FBN2: variants seen among roughly 807,000 people sequenced by gnomAD.
FBN2 encodes fibrillin 2.
In FBN2, 105 loss-of-function variants were observed where a neutral mutation model predicts 355.6. The ratio of observed to expected loss-of-function variants is 0.30; its 90% CI spans 0.25 to 0.35. The LOEUF (loss-of-function observed/expected upper bound fraction) is 0.35, where lower values mean the gene tolerates loss of function less well. Ranked by LOEUF, FBN2 falls within the 10% of genes least tolerant of loss-of-function variation. FBN2 has a pLI of 1.00. For synonymous variants in FBN2, 1,350 were observed against 1,301.2 expected, an observed-to-expected ratio of 1.04 and a Z score of -0.81; for missense variants, 3,280 against 3,758.7, an observed-to-expected ratio of 0.87 and a Z score of 3.33.
intron 5 of FBN2, among the ~76,000 whole-genome samples, chr5:128,489,483 T>C (rs1433985667): frequency 6.6e-6 from 1 of 152,226 alleles, no homozygotes; most frequent in African/African-American, 2.4e-5. Context: ...TAAACATTTT[T>C]CCTTCTAGTC....
At chr5:128,500,536 G>A (rs1755782506) in intron 5 of FBN2, among the ~76,000 whole-genome samples, 1 of 139,948 alleles carries the variant, frequency 7.1e-6, no homozygotes, top group African/African-American at 2.7e-5. Context: ...TCCGCCTCCC[G>A]GGTTCACGCC....
intron 31 of FBN2, 123 bp from the exon 32 acceptor site, chr5:128,333,157 CCTAA>C (rs754819227): frequency 1.3e-4 from 108 of 831,518 alleles, no homozygotes; most frequent in Middle Eastern, 2.6e-4. Flanking sequence ...AAAAGAGTAG[CCTAA>C]CTAACTTTTA....
intron 48 of FBN2, among the ~76,000 whole-genome samples, chr5:128,299,650 C>T (rs77222179): frequency 2.0e-5 from 3 of 152,320 alleles, no homozygotes; most frequent in African/African-American, 2.4e-5. Flanking sequence ...TTGCGCTTCC[C>T]GAGTGAGGCA....
chr5:128,493,386 AG>A (rs1755561912), intron 5 of FBN2, among the ~76,000 whole-genome samples: 1 of 152,146 alleles, frequency 6.6e-6, no homozygotes, highest in African/African-American at 2.4e-5. Context: ...GTTATGAGAG[AG>A]AAAAGATAAT....
intron 62 of FBN2, among the ~76,000 whole-genome samples, chr5:128,267,244 C>G (rs1158457771): frequency 2.0e-5 from 3 of 152,080 alleles, no homozygotes; most frequent in African/African-American, 7.2e-5. Flanking sequence ...GGGTTGGTTC[C>G]AAGACTTTGC....
chr5:128,513,002 T>C (rs995774040), intron 5 of FBN2, among the ~76,000 whole-genome samples: 10 of 152,150 alleles, frequency 6.6e-5, no homozygotes, highest in African/African-American at 2.4e-4. Flanking sequence ...ATTTCTAAAG[T>C]TACATAGGTT....
chr5:128,313,648 A>G (rs897068514), intron 36 of FBN2, among the ~76,000 whole-genome samples: 2 of 151,840 alleles, frequency 1.3e-5, no homozygotes, highest in African/African-American at 4.8e-5. Context: ...ACATATCTGG[A>G]ATCGACCATC....
chr5:128,307,607 G>A (rs1028283933), intron 41 of FBN2, among the ~76,000 whole-genome samples: 19 of 149,026 alleles, frequency 1.3e-4, no homozygotes, highest in African/African-American at 4.4e-4. Flanking sequence ...GTATAGACAT[G>A]CAAAAATAAT....
chr5:128,429,689 G>A (rs1336933587), intron 7 of FBN2, among the ~76,000 whole-genome samples: 1 of 152,126 alleles, frequency 6.6e-6, no homozygotes, highest in Non-Finnish European at 1.5e-5. Context: ...TTACATTAAT[G>A]CCAGGATACT....
At chr5:128,332,653 C>T (rs1252711911) in intron 32 of FBN2, among the ~76,000 whole-genome samples, 1 of 152,164 alleles carries the variant, frequency 6.6e-6, no homozygotes, top group Non-Finnish European at 1.5e-5. Flanking sequence ...CATCATACAG[C>T]TGTGTTTGGA....
chr5:128,395,110 C>T lies in FBN2; in HGVS notation c.1231+12G>A, dbSNP rs368400535. The T allele has an allele frequency of 2.5e-6, 4 of 1,613,858 alleles. No individual in the cohort carries two copies. Among genetic ancestry groups the T allele is most frequent in the Admixed American group, 1.7e-5 (1 of 59,992 alleles). On this transcript the variant is annotated intron_variant, in intron 9 of 64. Transcript: ENST00000262464. ...GTGTCTGTGCTGAGGAGACTAACAG[C>T]CAGCCACGTACCAGAACCTCTGACA...
chr5:128,464,533 T>C (rs1311089589), intron 6 of FBN2, among the ~76,000 whole-genome samples, 191 bp downstream of exon 6: 1 of 152,220 alleles, frequency 6.6e-6, no homozygotes, highest in African/African-American at 2.4e-5. Flanking sequence ...TCTCCATTAA[T>C]GTCAACAGTT....
intron 17 of FBN2, 97 bp downstream of exon 17, chr5:128,366,280 C>A (rs1175965723): frequency 6.5e-6 from 4 of 612,186 alleles, no homozygotes; most frequent in Non-Finnish European, 8.5e-6. Flanking sequence ...TATAATACTA[C>A]ATTTTCATAT....
chr5:128,486,613 T>G (rs929916227), intron 5 of FBN2, among the ~76,000 whole-genome samples: 17 of 152,182 alleles, frequency 1.1e-4, no homozygotes, highest in African/African-American at 4.1e-4. Context: ...AAGAACTCTA[T>G]TCCTGCAACT....
intron 36 of FBN2, 135 bp downstream of exon 36, chr5:128,318,014 A>G: frequency 1.1e-6 from 1 of 912,274 alleles, no homozygotes; most frequent in Non-Finnish European, 1.8e-6. Flanking sequence ...TTGGAAGAGA[A>G]ACACAATAAA....
At chr5:128,519,780 T>A (rs1229627126) in intron 4 of FBN2, among the ~76,000 whole-genome samples, 1 of 150,662 alleles carries the variant, frequency 6.6e-6, no homozygotes, top group Non-Finnish European at 1.5e-5. Flanking sequence ...AAGAGGCCGA[T>A]CCCGGTAGCA....
In FBN2 at chr5:128,459,045, T is replaced by C. The variant is rs1305900949; in HGVS notation, c.826+5679A>G. The stretch of plus-strand genomic sequence containing the variant: ...TTTTGAAAAAAATTAATGAAACTGA[T>C]AGACTGCTAGCTAGACTAATAAAGA... On this transcript the variant is annotated intron_variant, in intron 6 of 64. Coordinates refer to ENST00000262464, the MANE Select transcript of FBN2 (RefSeq NM_001999.4). Among the ~76,000 whole-genome samples the C allele has an allele frequency of 3.3e-5, 5 of 151,920 alleles. No homozygotes were observed. The South Asian group carries it at 1.0e-3, about 32-fold the overall frequency.
At chr5:128,290,372 G>A (rs1440590668) in intron 50 of FBN2, among the ~76,000 whole-genome samples, 1 of 152,192 alleles carries the variant, frequency 6.6e-6, no homozygotes, top group Non-Finnish European at 1.5e-5. Flanking sequence ...GTAACATTCT[G>A]AGAGCCACAG....
At position 128,514,746 on chromosome 5, in the gene FBN2, C is replaced by T. The variant is rs138760754; in HGVS notation, c.628+4527G>A. Among the ~76,000 whole-genome samples, 853 of 152,202 alleles carry T rather than the reference C, an allele frequency of 5.6e-3. 2 individuals are homozygous for T. The highest frequency in any genetic ancestry group is 7.9e-3 in the Admixed American group (121 of 15,292). On this transcript the variant is annotated intron_variant, in intron 5 of 64. Coordinates refer to ENST00000262464, the MANE Select transcript of FBN2 (RefSeq NM_001999.4). ...TACGTTATAGTCTCCAAGACATTAA[C>T]GGTAATTAATCCTAAGTGTAGGAAT...
Sources: allele counts gnomAD v4.1 joint callset (sites outside exome capture counted in the v4.1 genomes callset), GRCh38; gene constraint gnomAD v4.1.1; transcripts MANE v1.5; gene names NCBI Gene and HGNC (gene_info 2026-07-23, HGNC 2026-07-21).